The following GSDME variants were observed in gnomAD, a reference collection of about 807,000 sequenced individuals.
The protein encoded by GSDME is gasdermin E.
A neutral mutation model predicts 47.5 loss-of-function variants in GSDME; 44 were observed. That is an observed-to-expected ratio of 0.93 (90% CI 0.73 to 1.19). The LOEUF is 1.19. GSDME is among the 50% of genes most tolerant of loss of function. The pLI is 0.00. For missense variants in GSDME, 663 were observed against 604.2 expected (o/e 1.10, Z -1.02); for synonymous variants, 258 against 252.8 (o/e 1.02, Z -0.20).
the GSDME span, among the ~76,000 whole-genome samples, chr7:24,774,338 TTC>T: frequency 9.0e-6 from 1 of 110,626 alleles, no homozygotes; most frequent in Non-Finnish European, 1.7e-5. Context: ...CCTCCCTCCC[TTC>T]CTCCCTCCCT....
the GSDME span, among the ~76,000 whole-genome samples, chr7:24,790,330 G>A: frequency 6.6e-6 from 1 of 152,216 alleles, no homozygotes; most frequent in African/African-American, 2.4e-5. This position sits in a 1 kb window ranked among gnomAD's most constrained non-coding sequence, Gnocchi z 4.1. Context: ...GAGCCATCTT[G>A]TGCCCAAGTA....
chr7:24,749,625 C>G lies in GSDME; in HGVS notation c.150G>C (p.Lys50Asn). Residue 50 changes from lysine (K) to asparagine (N), a missense_variant, in exon 2 of 10, where the codon AAG (lysine) becomes AAC (asparagine). Transcript: ENST00000645220. ...CAAGGGTGAGGGATAAAAACTGGTACTTGGGTCTCTGCCAGCACCAGAATC... is the reference window on the plus strand; with the variant it reads ...CAAGGGTGAGGGATAAAAACTGGTAGTTGGGTCTCTGCCAGCACCAGAATC... ...KKRFWCWQRP[K>N]YQFLSLTLGD... The G allele has an allele frequency of 6.2e-7, 1 of 1,613,916 alleles. No individual in the cohort carries two copies. Among genetic ancestry groups the G allele is most frequent in the African/African-American group, 1.3e-5 (1 of 74,962 alleles).
rs1001112263 is a variant in GSDME, at chr7:24,742,751, C to T, written c.404+1811G>A. ...CAGAGAAGACGCTCTGGACACCCCCCGCCTCCCTTTTCCCCTTCCCCAGTG... is the reference window on the plus strand; with the variant it reads ...CAGAGAAGACGCTCTGGACACCCCCTGCCTCCCTTTTCCCCTTCCCCAGTG... On this transcript the variant is annotated intron_variant, in intron 3 of 9. Transcript: ENST00000645220. This position sits in a 1 kb window ranked among gnomAD's most constrained non-coding sequence, Gnocchi z 4.4. Among the ~76,000 whole-genome samples the T allele has an allele frequency of 3.3e-5, 5 of 152,282 alleles. No homozygotes were observed. Among genetic ancestry groups the T allele is most frequent in the East Asian group, 1.9e-4 (1 of 5,184 alleles).
chr7:24,762,732 G>C (rs1310835079), upstream of GSDME, among the ~76,000 whole-genome samples: 2 of 151,704 alleles, frequency 1.3e-5, no homozygotes, highest in Non-Finnish European at 2.9e-5. Flanking sequence ...AGCTGTCCTT[G>C]TTAGGGTAAG....
chr7:24,755,617 T>C (rs1322490819), intron 1 of GSDME, among the ~76,000 whole-genome samples: 1 of 152,224 alleles, frequency 6.6e-6, no homozygotes, highest in East Asian at 1.9e-4. Context: ...CTGGAGGTCT[T>C]TGACTGGAGG....
rs767020056 is a variant in GSDME at position 24,706,343 on chromosome 7, C to G, written c.1024G>C (p.Val342Leu). 11 of 1,613,364 alleles carry G rather than the reference C, an allele frequency of 6.8e-6. No homozygotes were observed. The highest frequency in any genetic ancestry group is 9.3e-6 in the Non-Finnish European group (11 of 1,179,886). ...GGCTTCAGCTCCCCCAGCACCGCCA[C>G]TGTGGGCGAGAGGCCGCTGACCAGG... ...DDLVSGLSPT[V>L]AVLGELKPRQ... The change falls in exon 8 of 10, where the codon GTG becomes CTG. Residue 342 changes from valine to leucine, a missense_variant. Physicochemically the swap from Val to Leu is conservative, Grantham distance 32. Coordinates refer to ENST00000645220, the MANE Select transcript of GSDME (RefSeq NM_001127453.2).
chr7:24,764,036 A>G, the GSDME span, among the ~76,000 whole-genome samples: 2 of 152,228 alleles, frequency 1.3e-5, no homozygotes, highest in African/African-American at 4.8e-5. This position sits in a 1 kb window ranked among gnomAD's most constrained non-coding sequence, Gnocchi z 4.4. Flanking sequence ...GAGACTGGTG[A>G]TAGAGTGGGT....
chr7:24,787,334 G>T, the GSDME span, among the ~76,000 whole-genome samples: 1 of 152,196 alleles, frequency 6.6e-6, no homozygotes, highest in Admixed American at 6.5e-5. The surrounding 1 kb of genome is among the most constrained non-coding windows in gnomAD (Gnocchi z 5.0). Context: ...TCAATGAAAA[G>T]AAGCACATCG....
the GSDME span, among the ~76,000 whole-genome samples, chr7:24,781,476 G>C: frequency 6.6e-6 from 1 of 152,044 alleles, no homozygotes; most frequent in Admixed American, 6.5e-5. Flanking sequence ...TCTCCACTAG[G>C]CACTATGATA....
rs2128062299 is a variant in GSDME at position 24,742,611 on chromosome 7, A to C, written c.404+1951T>G. On this transcript the variant is annotated intron_variant, in intron 3 of 9. Coordinates refer to ENST00000645220, the MANE Select transcript of GSDME (RefSeq NM_001127453.2). This position sits in a 1 kb window ranked among gnomAD's most constrained non-coding sequence, Gnocchi z 4.4. ...TTACACCTGAATCATGGTGTTTAAA[A>C]ACCTATATCGAGAAATGTGATTATA... 6.6e-6 allele frequency among the ~76,000 whole-genome samples: 1 copy of C among 152,320 alleles called. No individual in the cohort carries two copies. The highest frequency in any genetic ancestry group is 1.5e-5 in the Non-Finnish European group (1 of 68,022).
the GSDME span, among the ~76,000 whole-genome samples, chr7:24,787,461 G>C: frequency 6.6e-6 from 1 of 152,184 alleles, no homozygotes; most frequent in Admixed American, 6.5e-5. The surrounding 1 kb of genome is among the most constrained non-coding windows in gnomAD (Gnocchi z 5.0). Flanking sequence ...ATCTGGGTCT[G>C]AACTACCTGC....
the GSDME span, among the ~76,000 whole-genome samples, chr7:24,778,944 A>AAAC: frequency 6.6e-6 from 1 of 152,192 alleles, no homozygotes; most frequent in Non-Finnish European, 1.5e-5. This position sits in a 1 kb window ranked among gnomAD's most constrained non-coding sequence, Gnocchi z 5.6. Flanking sequence ...GATAAACCTC[A>AAAC]AACACCTGCC....
In GSDME at chr7:24,725,656, A is replaced by G. The variant is rs1018962824; in HGVS notation, c.405-6438T>C. Among the ~76,000 whole-genome samples, 27 of 152,234 alleles carry G rather than the reference A, an allele frequency of 1.8e-4. No individual in the cohort carries two copies. The highest frequency in any genetic ancestry group is 6.3e-4 in the African/African-American group (26 of 41,522). ...CTGCATGCTCTGCTAATCAGATTGG[A>G]ACAAAATAGGATGGGGATTTTCACA... On this transcript the variant is annotated intron_variant, in intron 3 of 9. Coordinates refer to ENST00000645220, the MANE Select transcript of GSDME (RefSeq NM_001127453.2). This position sits in a 1 kb window ranked among gnomAD's most constrained non-coding sequence, Gnocchi z 5.1.
chr7:24,729,990 T>C (rs1322967283), intron 3 of GSDME, among the ~76,000 whole-genome samples: 3 of 152,134 alleles, frequency 2.0e-5, no homozygotes, highest in Admixed American at 2.0e-4. Flanking sequence ...AGGTTGATAT[T>C]TAAGAGGCAG....
intron 1 of GSDME, among the ~76,000 whole-genome samples, chr7:24,753,612 CA>C (rs1389592629): frequency 6.6e-6 from 1 of 152,160 alleles, no homozygotes. Context: ...CAATAATGTA[CA>C]AAAGTATCCA....
At position 24,745,447 on chromosome 7, in the gene GSDME, GTCATTCAATTCC is replaced by G. The variant is rs2128063599; in HGVS notation, c.212-705_212-694del. On this transcript the variant is annotated intron_variant, in intron 2 of 9. Coordinates refer to ENST00000645220, the MANE Select transcript of GSDME (RefSeq NM_001127453.2). This position sits in a 1 kb window ranked among gnomAD's most constrained non-coding sequence, Gnocchi z 4.4. Reference sequence around the variant, plus strand: ...TGATTCTCTCTCTGACCTCTACCCAGTCATTCAATTCCTCATCATATAATTCCTTATCTCTGA... The same window carrying G: ...TGATTCTCTCTCTGACCTCTACCCAGTCATCATATAATTCCTTATCTCTGA... Among the ~76,000 whole-genome samples, 1 of 152,226 alleles carries G rather than the reference GTCATTCAATTCC, an allele frequency of 6.6e-6. No individual in the cohort carries two copies. Among genetic ancestry groups the G allele is most frequent in the African/African-American group, 2.4e-5 (1 of 41,532 alleles).
In GSDME at chr7:24,712,793, C is replaced by A; in HGVS notation, c.698-2405G>T. Among the ~76,000 whole-genome samples the A allele has an allele frequency of 6.6e-6, 1 of 152,052 alleles. No individual in the cohort carries two copies. Among genetic ancestry groups the A allele is most frequent in the East Asian group, 1.9e-4 (1 of 5,192 alleles). On this transcript the variant is annotated intron_variant, in intron 5 of 9. Coordinates refer to ENST00000645220, the MANE Select transcript of GSDME (RefSeq NM_001127453.2). This position sits in a 1 kb window ranked among gnomAD's most constrained non-coding sequence, Gnocchi z 4.4. ...TAACACTTTGGGAGGTCGAGGCGGG[C>A]GGATCACCTGAGGTCAGGAGTTTGA...
chr7:24,719,233 C>T lies in GSDME; in HGVS notation c.405-15G>A, dbSNP rs754553. 274,103 of 1,598,224 alleles carry T rather than the reference C, an allele frequency of 0.17. 27,573 individuals carry two copies. Among genetic ancestry groups the T allele is most frequent in the East Asian group, 0.44 (19,701 of 44,768 alleles). ...GATTTATTGTTCTGAAAAAGAAAAA[C>T]GGATGTGAGTGGCTTAGTGCCTCAG... On this transcript the variant is annotated splice_polypyrimidine_tract_variant and intron_variant, in intron 3 of 9. Transcript: ENST00000645220.
rs150265952 is a variant in GSDME, at chr7:24,719,047, C to T, written c.576G>A (p.Gln192=). 1.9e-6 allele frequency: 3 copies of T among 1,612,364 alleles called. No homozygotes were observed. The South Asian group carries it at 3.3e-5, about 18-fold the overall frequency. The part of the protein sequence containing the change: ...GIVGIQTKTV[Q]VSATEDGNVT... ...CGCAGGGCAGCCCGACTGCACGCAC[C>T]TGCACCGTCTTGGTCTGGATGCCCA... The change falls in exon 4 of 10, where the codon CAG becomes CAA. Residue 192 remains glutamine, a splice_region_variant and synonymous_variant. Coordinates refer to ENST00000645220, the MANE Select transcript of GSDME (RefSeq NM_001127453.2).
Sources: allele counts gnomAD v4.1 joint callset (sites outside exome capture counted in the v4.1 genomes callset), GRCh38; gene constraint gnomAD v4.1.1; non-coding constraint Gnocchi (gnomAD v3.1); transcripts MANE v1.5; gene names NCBI Gene and HGNC (gene_info 2026-07-23, HGNC 2026-07-21).